Variants in RASSF8 observed in about 807,000 individuals in gnomAD.
RASSF8 encodes ras association domain-containing protein 8.
In RASSF8, 22 loss-of-function variants were observed where a neutral mutation model predicts 48.5. The observed-to-expected ratio is 0.45, with a 90% CI of 0.32 to 0.65. The LOEUF (loss-of-function observed/expected upper bound fraction) is 0.65, where lower values mean the gene tolerates loss of function less well. Among genes scored for constraint, RASSF8 ranks in the 30% least tolerant of loss-of-function variants. The pLI is 0.03. For synonymous variants in RASSF8, 127 were observed against 171.5 expected (o/e 0.74, Z 2.03); for missense variants, 418 against 489.2 (o/e 0.85, Z 1.37).
chr12:26,038,559 G>T (rs7963856), intron 2 of RASSF8, among the ~76,000 whole-genome samples: 10,019 of 150,142 alleles, frequency 0.067, 727 homozygotes, highest in East Asian at 0.27. Flanking sequence ...TAATTCCCAA[G>T]ATTAATTTGG....
intron 2 of RASSF8, among the ~76,000 whole-genome samples, chr12:26,040,597 C>G (rs1943243513): frequency 6.6e-6 from 1 of 152,118 alleles, no homozygotes; most frequent in Non-Finnish European, 1.5e-5. Context: ...AGATAGATAC[C>G]TCTTGACTCT....
At chr12:25,976,730 G>T (rs920082073) in intron 1 of RASSF8, among the ~76,000 whole-genome samples, 1 of 152,032 alleles carries the variant, frequency 6.6e-6, no homozygotes, top group African/African-American at 2.4e-5. Flanking sequence ...TGCTTTGCTG[G>T]GCGTTTTGTC....
chr12:26,040,339 G>A (rs1943237040), intron 2 of RASSF8, among the ~76,000 whole-genome samples: 1 of 152,194 alleles, frequency 6.6e-6, no homozygotes, highest in South Asian at 2.1e-4. Flanking sequence ...TTGAGCAGTG[G>A]AAAGACTTCC....
intron 2 of RASSF8, among the ~76,000 whole-genome samples, chr12:26,025,902 A>T (rs374789698): frequency 3.3e-5 from 5 of 152,248 alleles, no homozygotes; most frequent in African/African-American, 9.6e-5. Flanking sequence ...AATAAAAAAA[A>T]AGACATCTCA....
chr12:25,985,294 A>G (rs1280770600), intron 1 of RASSF8, among the ~76,000 whole-genome samples: 3 of 152,186 alleles, frequency 2.0e-5, no homozygotes, highest in African/African-American at 7.2e-5. Context: ...TTGTTACTGT[A>G]TTATACCAAA....
intron 2 of RASSF8, among the ~76,000 whole-genome samples, chr12:25,996,616 T>G (rs1239709762): frequency 1.3e-5 from 2 of 152,248 alleles, no homozygotes; most frequent in Admixed American, 6.5e-5. Context: ...TTGCGGTTTC[T>G]TCTCAAACAT....
chr12:25,999,645 AC>A (rs542141225), intron 2 of RASSF8, among the ~76,000 whole-genome samples: 20 of 152,170 alleles, frequency 1.3e-4, no homozygotes, highest in Admixed American at 5.9e-4. Context: ...GGAGGATTAC[AC>A]CACTGTGCTC....
chr12:26,010,719 A>C (rs1942502397), intron 2 of RASSF8, among the ~76,000 whole-genome samples: 1 of 152,134 alleles, frequency 6.6e-6, no homozygotes, highest in African/African-American at 2.4e-5. Flanking sequence ...GAGGGAAAGG[A>C]ATGCTTCTGG....
At chr12:26,010,915 C>G (rs1038583981) in intron 2 of RASSF8, among the ~76,000 whole-genome samples, 1 of 152,062 alleles carries the variant, frequency 6.6e-6, no homozygotes, top group African/African-American at 2.4e-5. Flanking sequence ...AAAAACAGCT[C>G]CTCTCCACCT....
chr12:25,991,754 C>A (rs1012389861), intron 1 of RASSF8, among the ~76,000 whole-genome samples: 3 of 152,186 alleles, frequency 2.0e-5, no homozygotes, highest in African/African-American at 7.2e-5. Context: ...CATCATTCCA[C>A]AATATCCTGT....
At position 26,068,782 on chromosome 12, in the gene RASSF8, C is replaced by G. The variant is rs573180633; in HGVS notation, c.1224C>G (p.Ile408Met). Residue 408 changes from isoleucine (I) to methionine (M), a missense_variant, in exon 6 of 6, where the codon ATC becomes ATG. Physicochemically the swap from Ile to Met is conservative, Grantham distance 10 (BLOSUM62 1). Transcript: ENST00000689635. ...ATCTCCGCATTCTGCAGAATCCTAT[C>G]TCATCTGGTTTTAATCCTGAAGGCA... ...PSNLRILQNP[I>M]SSGFNPEGIY... is the part of the protein sequence containing the mutation. 10 of 1,537,190 alleles carry G rather than the reference C, an allele frequency of 6.5e-6. No homozygotes were observed. In the Admixed American group the frequency reaches 2.0e-4, roughly 30 times the overall value.
chr12:26,069,567 G>A lies in RASSF8; in HGVS notation c.*749G>A. ...GTTTCAGACACTGTTGAACAAAAATGTAATTGGTAAGTATGTATCCAAACA... is the reference window on the plus strand; with the variant it reads ...GTTTCAGACACTGTTGAACAAAAATATAATTGGTAAGTATGTATCCAAACA... On this transcript the variant is annotated 3_prime_UTR_variant, in exon 6 of 6. Transcript: ENST00000689635. 1.0e-6 allele frequency: 1 copy of A among 985,434 alleles called. No homozygotes were observed. Among genetic ancestry groups the A allele is most frequent in the Non-Finnish European group, 1.2e-6 (1 of 829,934 alleles). 61.0% of individuals were successfully genotyped at this position (985,434 alleles called of 1,614,324 possible).
At chr12:26,050,295 T>A (rs1943464337) in intron 2 of RASSF8, among the ~76,000 whole-genome samples, 1 of 152,234 alleles carries the variant, frequency 6.6e-6, no homozygotes, top group Non-Finnish European at 1.5e-5. Context: ...TTAGTATAAA[T>A]GTTTCTGAAA....
Position 26,070,269 on chromosome 12 carries a change from A to G in RASSF8, c.*1451A>G. The G allele has an allele frequency of 2.0e-6, 2 of 985,158 alleles. No individual in the cohort carries two copies. Among genetic ancestry groups the G allele is most frequent in the South Asian group, 4.7e-5 (1 of 21,284 alleles). The allele number at this position is 985,158 out of a possible 1,614,324, so 61.0% of individuals were successfully genotyped here. A position where few individuals can be genotyped will look rare whatever the true frequency, so the allele number is the denominator to read the frequency against. On this transcript the variant is annotated 3_prime_UTR_variant, in exon 6 of 6. Coordinates refer to ENST00000689635, the MANE Select transcript of RASSF8 (RefSeq NM_001394098.1). ...GAGCTATGTCTTATGCATGAAGGCA[A>G]CTTTGGATGTTTTAACACATTTGAC...
intron 4 of RASSF8, 40 bp from the exon 5 acceptor site, chr12:26,067,529 G>A (rs1287122179): frequency 6.5e-7 from 1 of 1,547,388 alleles, no homozygotes; most frequent in Admixed American, 1.9e-5. Context: ...CTGTCCAGTA[G>A]TGAATCCTCA....
chr12:25,965,999 C>T (rs77138647), intron 1 of RASSF8, among the ~76,000 whole-genome samples: 3,010 of 152,268 alleles, frequency 0.02, 93 homozygotes, highest in African/African-American at 0.067. Flanking sequence ...TGAATACTTG[C>T]ATACAAGTAT....
intron 3 of RASSF8, among the ~76,000 whole-genome samples, chr12:26,061,843 CTTT>C (rs1943750716): frequency 6.6e-6 from 1 of 151,856 alleles, no homozygotes; most frequent in South Asian, 2.1e-4. Flanking sequence ...TTAAAAAAAG[CTTT>C]TTTATATTGC....
At chr12:26,051,704 G>A (rs936770331) in intron 2 of RASSF8, among the ~76,000 whole-genome samples, 7 of 152,132 alleles carry the variant, frequency 4.6e-5, no homozygotes, top group African/African-American at 1.7e-4. Flanking sequence ...CTATTTCAAA[G>A]TCACAGACAG....
At chr12:26,039,806 T>C (rs943073007) in intron 2 of RASSF8, among the ~76,000 whole-genome samples, 3 of 152,274 alleles carry the variant, frequency 2.0e-5, no homozygotes, top group African/African-American at 7.2e-5. Context: ...TATTTACTTT[T>C]TGAGTGGATC....
Sources: gnomAD v4.1 joint callset for allele counts (sites outside exome capture counted in the v4.1 genomes callset) on GRCh38, gnomAD v4.1.1 for gene constraint, MANE v1.5 for transcripts, NCBI Gene and HGNC (gene_info 2026-07-23, HGNC 2026-07-21) for gene names.